VAC14: variants seen among roughly 807,000 people sequenced by gnomAD.
VAC14 encodes the protein protein VAC14 homolog.
VAC14 carries 47 observed loss-of-function variants against 85.3 expected under a neutral mutation model. That is an observed-to-expected ratio of 0.55 (90% CI 0.44 to 0.70). VAC14 has a LOEUF of 0.70. Ranked by LOEUF, VAC14 falls within the 30% of genes least tolerant of loss-of-function variation. The probability of loss-of-function intolerance (pLI) is 0.00; values close to 1 mark genes in which losing one functional copy is unlikely to be tolerated. For synonymous variants in VAC14, 447 were observed against 430.5 expected (o/e 1.04, Z -0.47); for missense variants, 861 against 1,004.3 (o/e 0.86, Z 1.93).
intron 14 of VAC14, among the ~76,000 whole-genome samples, chr16:70,725,208 G>C (rs2054392850): frequency 6.6e-6 from 1 of 152,246 alleles, no homozygotes; most frequent in Non-Finnish European, 1.5e-5. Flanking sequence ...AAGACTCACA[G>C]AGTGAGGAGG....
intron 12 of VAC14, among the ~76,000 whole-genome samples, chr16:70,757,332 G>T (rs1369426584): frequency 6.6e-6 from 1 of 152,186 alleles, no homozygotes. Context: ...GACTCAGGGC[G>T]GCCAGCTGGA....
At chr16:70,727,403 G>C (rs997757765) in intron 14 of VAC14, among the ~76,000 whole-genome samples, 1 of 152,188 alleles carries the variant, frequency 6.6e-6, no homozygotes, top group Non-Finnish European at 1.5e-5. Context: ...GCAGTGGTGT[G>C]ATCTTGGCTC....
At position 70,782,458 on chromosome 16, in the gene VAC14, G is replaced by C. The variant is rs113754130; in HGVS notation, c.812-455C>G. On this transcript the variant is annotated intron_variant, in intron 7 of 18. Transcript: ENST00000261776. ...TGCCCAGGCTAGCCTGCTGGACGAT[G>C]AGACATGTGGTCCAGCTGCCCCCAT... is the stretch of plus-strand genomic sequence containing the variant. Among the ~76,000 whole-genome samples the C allele has an allele frequency of 8.6e-3, 1,314 of 152,340 alleles. 12 individuals carry two copies. Among genetic ancestry groups the C allele is most frequent in the Non-Finnish European group, 0.014 (944 of 68,034 alleles).
chr16:70,729,151 T>C (rs1003614335), intron 14 of VAC14, among the ~76,000 whole-genome samples: 3 of 152,230 alleles, frequency 2.0e-5, no homozygotes, highest in South Asian at 4.1e-4. Flanking sequence ...ATGCAAGTGC[T>C]ACTGGCATTC....
At chr16:70,717,492 C>G (rs148764178) in intron 14 of VAC14, among the ~76,000 whole-genome samples, 201 of 152,280 alleles carry the variant, frequency 1.3e-3, no homozygotes, top group African/African-American at 4.5e-3. Flanking sequence ...GATCGGCACA[C>G]TGAATAGTAT....
chr16:70,735,765 T>G (rs1300651420), intron 13 of VAC14, among the ~76,000 whole-genome samples: 1 of 152,258 alleles, frequency 6.6e-6, no homozygotes, highest in African/African-American at 2.4e-5. Flanking sequence ...TCATTCCACT[T>G]CTTGTTTGGA....
At chr16:70,789,580 A>G (rs771793026) in intron 1 of VAC14, among the ~76,000 whole-genome samples, 1 of 152,274 alleles carries the variant, frequency 6.6e-6, no homozygotes, top group Non-Finnish European at 1.5e-5. Flanking sequence ...CCAATGCAGC[A>G]GCAGACCTTT....
intron 12 of VAC14, chr16:70,747,815 TG>T: frequency 6.6e-6 from 1 of 152,224 alleles, no homozygotes. Flanking sequence ...GCGGGGCGGC[TG>T]GGGCCAGGCC....
intron 1 of VAC14, among the ~76,000 whole-genome samples, chr16:70,796,747 G>C (rs998427843): frequency 3.9e-5 from 6 of 152,130 alleles, no homozygotes; most frequent in African/African-American, 1.4e-4. Flanking sequence ...CTTTATATAC[G>C]TGCACTCCCA....
intron 14 of VAC14, among the ~76,000 whole-genome samples, chr16:70,729,759 A>C (rs1009259515): frequency 2.6e-5 from 4 of 152,076 alleles, no homozygotes; most frequent in Admixed American, 6.5e-5. Flanking sequence ...CTAAGAATGA[A>C]AGCTCCACAA....
Position 70,801,117 on chromosome 16 carries a change from C to T in VAC14, c.-217G>A, listed in dbSNP as rs913475911. 13 of 433,996 alleles carry T rather than the reference C, an allele frequency of 3.0e-5. No homozygotes were observed. Among genetic ancestry groups the T allele is most frequent in the South Asian group, 5.2e-5 (1 of 19,188 alleles). 26.9% of individuals were successfully genotyped at this position (433,996 alleles called of 1,614,324 possible). On this transcript the variant is annotated 5_prime_UTR_variant, in exon 1 of 19. Coordinates refer to ENST00000261776, the MANE Select transcript of VAC14 (RefSeq NM_018052.5). ...TGGCCGCTTAACAACTCCCGCCCGG[C>T]ACTAGCGGGACTCACGAGACAGCGG...
chr16:70,725,523 G>C (rs1248201997), intron 14 of VAC14, among the ~76,000 whole-genome samples: 1 of 126,840 alleles, frequency 7.9e-6, no homozygotes, highest in Non-Finnish European at 1.6e-5. Context: ...TGACCAATCA[G>C]CTCCCCACTC....
chr16:70,769,768 G>C (rs564857060), intron 10 of VAC14: 1 of 152,258 alleles, frequency 6.6e-6, no homozygotes, highest in Non-Finnish European at 1.5e-5. Flanking sequence ...GCGAGGCAGC[G>C]GACAGCGGTG....
intron 12 of VAC14, among the ~76,000 whole-genome samples, chr16:70,745,858 C>T (rs751955506): frequency 3.9e-5 from 6 of 152,164 alleles, no homozygotes; most frequent in African/African-American, 7.2e-5. Flanking sequence ...GAAAGTGGGA[C>T]AGAGCCTGAT....
At chr16:70,700,518 GGAA>G (rs2053804725) in intron 14 of VAC14, among the ~76,000 whole-genome samples, 1 of 152,230 alleles carries the variant, frequency 6.6e-6, no homozygotes, top group African/African-American at 2.4e-5. Context: ...TGAAATAGGG[GGAA>G]GTTCTCAGAG....
chr16:70,762,702 C>G lies in VAC14; in HGVS notation c.1306-97G>C, dbSNP rs1165711391. 5 of 1,494,448 alleles carry G rather than the reference C, an allele frequency of 3.3e-6. No homozygotes were observed. Among genetic ancestry groups the G allele is most frequent in the Admixed American group, 1.9e-5 (1 of 54,052 alleles). 92.6% of individuals were successfully genotyped at this position (1,494,448 alleles called of 1,614,324 possible). On this transcript the variant is annotated intron_variant, in intron 11 of 18. Coordinates refer to ENST00000261776, the MANE Select transcript of VAC14 (RefSeq NM_018052.5). The surrounding 1 kb of genome is among the most constrained non-coding windows in gnomAD (Gnocchi z 4.1). Reference sequence around the variant, plus strand: ...CGCTGGTGTGCACGGACCCACTGGTCTGCACGGACCACTTCCCTCCCCGAC... The same window carrying G: ...CGCTGGTGTGCACGGACCCACTGGTGTGCACGGACCACTTCCCTCCCCGAC...
At chr16:70,748,866 A>G (rs976165577) in intron 12 of VAC14, among the ~76,000 whole-genome samples, 5 of 152,194 alleles carry the variant, frequency 3.3e-5, no homozygotes, top group African/African-American at 1.2e-4. Flanking sequence ...GAATTGCTTG[A>G]GCAGAGGCTG....
intron 9 of VAC14, chr16:70,773,007 G>C (rs1294458547): frequency 6.6e-6 from 1 of 152,204 alleles, no homozygotes; most frequent in Non-Finnish European, 1.5e-5. Context: ...TTTCTCGAAA[G>C]TGTTTAGAAC....
intron 18 of VAC14, chr16:70,688,657 GCCT>G: frequency 1.0e-6 from 1 of 985,612 alleles, no homozygotes; most frequent in Non-Finnish European, 1.2e-6. Context: ...CACTGGACAT[GCCT>G]ACAGCTCCTA....
Sources: allele counts gnomAD v4.1 joint callset (sites outside exome capture counted in the v4.1 genomes callset), GRCh38; gene constraint gnomAD v4.1.1; non-coding constraint Gnocchi (gnomAD v3.1); transcripts MANE v1.5; gene names NCBI Gene and HGNC (gene_info 2026-07-23, HGNC 2026-07-21).